The following TANC1 variants were observed in gnomAD, a reference collection of about 807,000 sequenced individuals.
TANC1 encodes the protein protein TANC1.
Under a neutral mutation model 149.7 loss-of-function variants are expected in TANC1, and 77 were observed. The ratio of observed to expected loss-of-function variants is 0.51; its 90% CI spans 0.43 to 0.62. TANC1 has a LOEUF of 0.62. Ranked by LOEUF, TANC1 falls within the 20% of genes least tolerant of loss-of-function variation. The probability of loss-of-function intolerance (pLI) is 0.00; values close to 1 mark genes in which losing one functional copy is unlikely to be tolerated. For synonymous variants in TANC1, 854 were observed against 925.0 expected, an observed-to-expected ratio of 0.92 and a Z score of 1.39; for missense variants, 1,985 against 2,321.8, an observed-to-expected ratio of 0.85 and a Z score of 2.98.
intron 2 of TANC1, among the ~76,000 whole-genome samples, chr2:159,005,567 G>A (rs2037081963): frequency 6.6e-6 from 1 of 152,090 alleles, no homozygotes; most frequent in Non-Finnish European, 1.5e-5. Flanking sequence ...CAACCTGGGT[G>A]AAAGAGTAAG....
chr2:159,121,201 A>G (rs967282152), intron 4 of TANC1, among the ~76,000 whole-genome samples: 1 of 152,206 alleles, frequency 6.6e-6, no homozygotes, highest in African/African-American at 2.4e-5. Context: ...ATCTTTGTAA[A>G]CAGTCTTCCT....
intron 7 of TANC1, among the ~76,000 whole-genome samples, chr2:159,152,455 A>G (rs1365788522): frequency 2.1e-5 from 3 of 144,554 alleles, no homozygotes; most frequent in African/African-American, 5.1e-5. Context: ...GCCTTTGATT[A>G]TAACCAAATT....
At chr2:159,048,612 A>G (rs2041246489) in intron 2 of TANC1, among the ~76,000 whole-genome samples, 2 of 152,190 alleles carry the variant, frequency 1.3e-5, no homozygotes. Flanking sequence ...ATTTTCCTGG[A>G]TTTCTGATGT....
At chr2:159,174,826 A>G in intron 11 of TANC1, 127 bp from the exon 12 acceptor site, 4 of 750,890 alleles carry the variant, frequency 5.3e-6, no homozygotes, top group Non-Finnish European at 7.0e-6. Flanking sequence ...CAAATGACCC[A>G]GTCTTGGGGA....
intron 16 of TANC1, among the ~76,000 whole-genome samples, chr2:159,192,869 C>T (rs1489185467): frequency 2.6e-5 from 4 of 152,154 alleles, no homozygotes; most frequent in African/African-American, 4.8e-5. Context: ...AGGCTGGTCT[C>T]GAACTCCTAA....
chr2:159,101,837 C>T (rs941123110), intron 4 of TANC1, among the ~76,000 whole-genome samples: 2 of 152,166 alleles, frequency 1.3e-5, no homozygotes, highest in African/African-American at 4.8e-5. Context: ...GAATGAGAAG[C>T]AACCCTTTGA....
In TANC1 at chr2:159,062,973, C is replaced by CCAAAAAAAAAAAAAAAAAAAAAAAAAAA. The variant is rs770866772; in HGVS notation, c.-15-2923_-15-2922insCAAAAAAAAAAAAAAAAAAAAAAAAAAA. Among the ~76,000 whole-genome samples, 5 of 41,216 alleles carry CCAAAAAAAAAAAAAAAAAAAAAAAAAAA rather than the reference C, an allele frequency of 1.2e-4. 1 individual carries two copies. The highest frequency in any genetic ancestry group is 2.7e-4 in the Non-Finnish European group (5 of 18,666). 27.0% of individuals were successfully genotyped at this position (41,216 alleles called of 152,430 possible). ...TGGGCGACAGAGCGAGACTCCGTCT[C>CCAAAAAAAAAAAAAAAAAAAAAAAAAAA]AAAAAAAAAAAAAAAAAAAAAAGAA... On this transcript the variant is annotated intron_variant, in intron 2 of 26. Transcript: ENST00000263635.
chr2:159,089,065 G>C (rs963439303), intron 3 of TANC1, among the ~76,000 whole-genome samples: 1 of 152,200 alleles, frequency 6.6e-6, no homozygotes, highest in African/African-American at 2.4e-5. Flanking sequence ...TGTTCCTGCT[G>C]GTGGGCACAG....
intron 14 of TANC1, among the ~76,000 whole-genome samples, chr2:159,184,461 G>C (rs371901990): frequency 6.6e-6 from 1 of 150,396 alleles, no homozygotes; most frequent in South Asian, 2.1e-4. Context: ...AGGGGTGTGT[G>C]GTCATCACCC....
At chr2:159,070,712 G>A (rs1420378097) in intron 3 of TANC1, among the ~76,000 whole-genome samples, 5 of 152,212 alleles carry the variant, frequency 3.3e-5, no homozygotes, top group Admixed American at 6.5e-5. Context: ...GCCCGGAAGA[G>A]TGTGTTTGGA....
chr2:159,018,156 T>A (rs992372287), intron 2 of TANC1, among the ~76,000 whole-genome samples: 2 of 152,194 alleles, frequency 1.3e-5, no homozygotes, highest in Admixed American at 6.5e-5. Context: ...GGAGTCTGTT[T>A]GGAGCATTTT....
intron 24 of TANC1, chr2:159,226,379 A>G (rs10490003): frequency 0.086 from 13,168 of 153,980 alleles, 1,197 homozygotes; most frequent in East Asian, 0.23. Context: ...TCAACTGAAC[A>G]TCATAGAGAA....
chr2:159,156,822 C>A (rs2150359441), intron 7 of TANC1, among the ~76,000 whole-genome samples: 1 of 54,998 alleles, frequency 1.8e-5, no homozygotes, highest in Admixed American at 2.4e-4. Context: ...AGTCCTTAGA[C>A]TTGTCTCTGG....
At chr2:159,102,795 T>A (rs1430972738) in intron 4 of TANC1, among the ~76,000 whole-genome samples, 12 of 81,654 alleles carry the variant, frequency 1.5e-4, no homozygotes, top group African/African-American at 2.2e-4. Flanking sequence ...CTGGGCTCAC[T>A]GCAAGCTCCG....
At chr2:158,987,886 C>T (rs1174388225) in intron 1 of TANC1, among the ~76,000 whole-genome samples, 1 of 152,192 alleles carries the variant, frequency 6.6e-6, no homozygotes, top group East Asian at 1.9e-4. Context: ...CTGCCTGGTT[C>T]ATTCAGCACA....
At chr2:159,069,765 CTTTTTT>C (rs67843631) in intron 3 of TANC1, among the ~76,000 whole-genome samples, 2 of 109,360 alleles carry the variant, frequency 1.8e-5, no homozygotes, top group African/African-American at 6.8e-5. Flanking sequence ...TATGTGCAAG[CTTTTTT>C]TTTTTTTTTT....
chr2:159,161,204 T>C (rs2054014308), intron 7 of TANC1, among the ~76,000 whole-genome samples: 1 of 152,240 alleles, frequency 6.6e-6, no homozygotes. Context: ...CTCAGATCTT[T>C]GGGGTTTGAT....
intron 4 of TANC1, among the ~76,000 whole-genome samples, chr2:159,130,718 A>T (rs1366333623): frequency 1.3e-5 from 2 of 151,766 alleles, no homozygotes; most frequent in Non-Finnish European, 2.9e-5. Flanking sequence ...CTTTTCTCTC[A>T]TTCCTTAGTT....
chr2:159,204,817 G>A (rs2058492495), intron 19 of TANC1, among the ~76,000 whole-genome samples: 1 of 152,292 alleles, frequency 6.6e-6, no homozygotes, highest in Non-Finnish European at 1.5e-5. Flanking sequence ...AATTTTTATT[G>A]TCAAAGCTAC....
Sources: allele counts gnomAD v4.1 joint callset (sites outside exome capture counted in the v4.1 genomes callset), GRCh38; gene constraint gnomAD v4.1.1; transcripts MANE v1.5; gene names NCBI Gene and HGNC (gene_info 2026-07-23, HGNC 2026-07-21).